Variants in TMEM74 observed in about 807,000 individuals in gnomAD.
TMEM74 encodes transmembrane protein 74.
TMEM74 carries 13 observed loss-of-function variants against 18.1 expected under a neutral mutation model. The ratio of observed to expected loss-of-function variants is 0.72; its 90% CI spans 0.47 to 1.14. The LOEUF (loss-of-function observed/expected upper bound fraction) is 1.14, where lower values mean the gene tolerates loss of function less well. Ranked by LOEUF, TMEM74 falls within the 50% of genes most tolerant of loss-of-function variation. The pLI, the probability that TMEM74 is intolerant of heterozygous loss-of-function variation, is 0.00. For synonymous variants in TMEM74, 159 were observed against 146.6 expected (o/e 1.08, Z -0.61); for missense variants, 372 against 375.9 (o/e 0.99, Z 0.09).
chr8:108,711,268 C>T (rs528952459), intron 1 of TMEM74, among the ~76,000 whole-genome samples: 1 of 152,312 alleles, frequency 6.6e-6, no homozygotes, highest in African/African-American at 2.4e-5. Context: ...CACTCCTGGT[C>T]TCTCTCTTTC....
At chr8:108,637,428 G>GTGA (rs1812617928) in intron 2 of TMEM74, among the ~76,000 whole-genome samples, 2 of 152,130 alleles carry the variant, frequency 1.3e-5, no homozygotes, top group African/African-American at 4.8e-5. Context: ...CTTTGCTGAA[G>GTGA]TGATGAAGTA....
intron 1 of TMEM74, among the ~76,000 whole-genome samples, chr8:108,724,067 G>A (rs921355727): frequency 3.3e-5 from 5 of 152,026 alleles, no homozygotes; most frequent in Admixed American, 2.6e-4. Flanking sequence ...CTGTACTTTC[G>A]AGGTCTTCAT....
intron 2 of TMEM74, among the ~76,000 whole-genome samples, chr8:108,633,837 T>C (rs1328464246): frequency 6.6e-6 from 1 of 152,040 alleles, no homozygotes; most frequent in Non-Finnish European, 1.5e-5. Context: ...ACTAAACCTC[T>C]TTTGCTTGCC....
intron 1 of TMEM74, among the ~76,000 whole-genome samples, chr8:108,677,650 C>T (rs1813068123): frequency 6.6e-6 from 1 of 151,818 alleles, no homozygotes; most frequent in Non-Finnish European, 1.5e-5. Context: ...GCCTCAAACT[C>T]CAGCTATGTT....
At chr8:108,631,903 T>G (rs949767125) in intron 2 of TMEM74, among the ~76,000 whole-genome samples, 6 of 151,974 alleles carry the variant, frequency 3.9e-5, no homozygotes, top group African/African-American at 1.4e-4. Flanking sequence ...TAATAACATA[T>G]CCATTCCAAG....
chr8:108,718,938 G>T (rs1414085971), intron 1 of TMEM74, among the ~76,000 whole-genome samples: 2 of 151,068 alleles, frequency 1.3e-5, no homozygotes, highest in Admixed American at 6.6e-5. Context: ...ATACTACAAA[G>T]TTAGATAGCT....
rs558522883 is a variant in TMEM74 at position 108,768,387 on chromosome 8, C to T, written n.119+19089G>A. On this transcript the variant is annotated intron_variant and non_coding_transcript_variant, in intron 1 of 3. Coordinates refer to the TMEM74 transcript ENST00000518838. ...GACCCTTCCTAATCTTCCCAACTAT[C>T]CTCACCTACTTTTCCAATCTCTTCT... Among the ~76,000 whole-genome samples the T allele has an allele frequency of 2.2e-3, 330 of 152,248 alleles. 1 individual carries two copies. The highest frequency in any genetic ancestry group is 3.9e-3 in the Non-Finnish European group (264 of 68,030).
At chr8:108,770,502 C>G (rs1814159694) in intron 1 of TMEM74, among the ~76,000 whole-genome samples, 1 of 152,120 alleles carries the variant, frequency 6.6e-6, no homozygotes, top group African/African-American at 2.4e-5. Flanking sequence ...GGATGAAGTA[C>G]AGTTCAGCAC....
intron 1 of TMEM74, among the ~76,000 whole-genome samples, chr8:108,771,774 C>T (rs1814176082): frequency 6.6e-6 from 1 of 152,156 alleles, no homozygotes; most frequent in Admixed American, 6.5e-5. Flanking sequence ...TGATAACTGT[C>T]TTTATAAACT....
intron 1 of TMEM74, among the ~76,000 whole-genome samples, chr8:108,677,515 G>T (rs1813065654): frequency 1.3e-5 from 2 of 151,002 alleles, no homozygotes; most frequent in African/African-American, 4.9e-5. Flanking sequence ...TGGGGCTGAA[G>T]TCAGTTTCAA....
At chr8:108,769,455 T>C (rs1200873889) in intron 1 of TMEM74, among the ~76,000 whole-genome samples, 1 of 152,170 alleles carries the variant, frequency 6.6e-6, no homozygotes, top group Admixed American at 6.5e-5. Flanking sequence ...TTGAGCCCTC[T>C]GCCTCTGTTC....
chr8:108,655,013 T>C (rs1475825949), intron 2 of TMEM74, among the ~76,000 whole-genome samples: 2 of 152,176 alleles, frequency 1.3e-5, no homozygotes, highest in African/African-American at 2.4e-5. Flanking sequence ...GTTTATTAGA[T>C]TGGTAGTCAT....
At chr8:108,752,688 T>C (rs1183907746) in intron 1 of TMEM74, among the ~76,000 whole-genome samples, 1 of 152,150 alleles carries the variant, frequency 6.6e-6, no homozygotes, top group Non-Finnish European at 1.5e-5. Context: ...TCATTTCAAA[T>C]ACATCAGTCT....
chr8:108,667,029 C>T (rs1023105813), intron 1 of TMEM74, among the ~76,000 whole-genome samples: 3 of 152,114 alleles, frequency 2.0e-5, no homozygotes, highest in South Asian at 2.1e-4. Context: ...AGAAACAATG[C>T]CTATTTCTCA....
intron 1 of TMEM74, among the ~76,000 whole-genome samples, chr8:108,681,136 T>C (rs1234231632): frequency 6.6e-6 from 1 of 152,184 alleles, no homozygotes; most frequent in Non-Finnish European, 1.5e-5. Context: ...AAGCTACCAA[T>C]GACTTTCTTC....
At chr8:108,669,865 C>T (rs1438071962) in intron 1 of TMEM74, among the ~76,000 whole-genome samples, 1 of 151,828 alleles carries the variant, frequency 6.6e-6, no homozygotes, top group African/African-American at 2.4e-5. Flanking sequence ...TGGTGAAACC[C>T]CATCTCTACT....
intron 1 of TMEM74, among the ~76,000 whole-genome samples, chr8:108,680,384 T>C (rs547675567): frequency 0.029 from 4,463 of 152,198 alleles, 119 homozygotes; most frequent in African/African-American, 0.066. Flanking sequence ...ATAAATGTAA[T>C]CCAGCATATA....
chr8:108,632,654 A>G (rs1812566499), intron 2 of TMEM74, among the ~76,000 whole-genome samples: 1 of 152,024 alleles, frequency 6.6e-6, no homozygotes, highest in Non-Finnish European at 1.5e-5. Context: ...CATTCAATGA[A>G]CATTTATTGC....
At chr8:108,684,616 T>C (rs987686417) in intron 1 of TMEM74, among the ~76,000 whole-genome samples, 1 of 152,040 alleles carries the variant, frequency 6.6e-6, no homozygotes, top group Non-Finnish European at 1.5e-5. Context: ...TTTTGTGGCC[T>C]GTGCTTTTAA....
Sources: gnomAD v4.1 joint callset for allele counts (sites outside exome capture counted in the v4.1 genomes callset) on GRCh38, gnomAD v4.1.1 for gene constraint, MANE v1.5 for transcripts, NCBI Gene and HGNC (gene_info 2026-07-23, HGNC 2026-07-21) for gene names.